Variants in DGKB observed in about 807,000 individuals in gnomAD.
The protein encoded by DGKB is diacylglycerol kinase beta.
DGKB carries 67 observed loss-of-function variants against 114.3 expected under a neutral mutation model. The ratio of observed to expected loss-of-function variants is 0.59; its 90% CI spans 0.48 to 0.72. The LOEUF is 0.72. Ranked by LOEUF, DGKB falls within the 30% of genes least tolerant of loss-of-function variation. The pLI is 0.00. For synonymous variants in DGKB, 398 were observed against 323.1 expected, an observed-to-expected ratio of 1.23 and a Z score of -2.49; for missense variants, 907 against 975.2, an observed-to-expected ratio of 0.93 and a Z score of 0.93.
At chr7:14,636,583 A>G (rs1810800486) in intron 13 of DGKB, among the ~76,000 whole-genome samples, 1 of 151,834 alleles carries the variant, frequency 6.6e-6, no homozygotes, top group Non-Finnish European at 1.5e-5. Flanking sequence ...GTGTGTCATC[A>G]TTTTTGAAAA....
At chr7:14,540,687 T>C (rs1314200996) in intron 20 of DGKB, among the ~76,000 whole-genome samples, 1 of 152,238 alleles carries the variant, frequency 6.6e-6, no homozygotes, top group East Asian at 1.9e-4. Context: ...TACTTTCCTA[T>C]TGCAGTGATT....
At chr7:14,575,207 G>C (rs1219952787) in intron 19 of DGKB, among the ~76,000 whole-genome samples, 1 of 152,134 alleles carries the variant, frequency 6.6e-6, no homozygotes, top group Non-Finnish European at 1.5e-5. Context: ...TGGCTCAGAT[G>C]CCCCTCTCAC....
intron 5 of DGKB, 72 bp downstream of exon 5, chr7:14,735,969 T>G: frequency 1.1e-6 from 1 of 923,370 alleles, no homozygotes; most frequent in Non-Finnish European, 1.5e-6. Flanking sequence ...TCATTCATCT[T>G]TTATGATAAC....
At chr7:14,892,965 TATAC>T (rs925172766) in intron 1 of DGKB, among the ~76,000 whole-genome samples, 2 of 150,852 alleles carry the variant, frequency 1.3e-5, no homozygotes, top group Non-Finnish European at 3.0e-5. Flanking sequence ...TGTGTGTATA[TATAC>T]ATACATATAT....
At chr7:14,404,779 A>AGGAGGGC (rs1823671289) in intron 21 of DGKB, among the ~76,000 whole-genome samples, 1 of 151,582 alleles carries the variant, frequency 6.6e-6, no homozygotes, top group Non-Finnish European at 1.5e-5. Flanking sequence ...TGTCTTCTTG[A>AGGAGGGC]ATTGCTCCTC....
At chr7:14,557,078 C>T (rs2128659534) in intron 20 of DGKB, among the ~76,000 whole-genome samples, 1 of 152,190 alleles carries the variant, frequency 6.6e-6, no homozygotes, top group Admixed American at 6.5e-5. Context: ...TTCTCAGCCC[C>T]CGTCCCCAAT....
intron 25 of DGKB, among the ~76,000 whole-genome samples, chr7:14,163,086 TAC>T (rs1562504947): frequency 6.6e-6 from 1 of 152,174 alleles, no homozygotes; most frequent in East Asian, 1.9e-4. Flanking sequence ...TCACGGGTGT[TAC>T]AGATCCAGCA....
intron 2 of DGKB, among the ~76,000 whole-genome samples, chr7:14,799,945 C>T (rs990688767): frequency 6.6e-6 from 1 of 151,656 alleles, no homozygotes; most frequent in African/African-American, 2.4e-5. Flanking sequence ...TTGACAGAGT[C>T]TCACTCTGTT....
At chr7:14,246,309 G>C (rs1323474418) in intron 23 of DGKB, among the ~76,000 whole-genome samples, 1 of 152,134 alleles carries the variant, frequency 6.6e-6, no homozygotes, top group East Asian at 1.9e-4. Flanking sequence ...TATGTTATCT[G>C]TTTTAAAATG....
chr7:14,790,399 A>AT (rs1326974944), intron 2 of DGKB, among the ~76,000 whole-genome samples: 2 of 151,924 alleles, frequency 1.3e-5, no homozygotes, highest in South Asian at 2.1e-4. Context: ...TTTATGTTAC[A>AT]TTTTTTTCAC....
At chr7:14,367,211 C>T (rs2128642960) in intron 21 of DGKB, among the ~76,000 whole-genome samples, 1 of 152,138 alleles carries the variant, frequency 6.6e-6, no homozygotes, top group Admixed American at 6.5e-5. Flanking sequence ...TGTAAGTGTT[C>T]TGAGCATGTT....
chr7:14,698,015 AAG>A (rs1169412922), intron 8 of DGKB, 78 bp downstream of exon 8: 10 of 658,240 alleles, frequency 1.5e-5, no homozygotes, highest in African/African-American at 1.3e-4. Context: ...GAAAGAAAGA[AAG>A]AGAAAGAAAG....
chr7:14,456,682 A>G (rs1382391035), intron 21 of DGKB, among the ~76,000 whole-genome samples: 1 of 152,090 alleles, frequency 6.6e-6, no homozygotes, highest in Non-Finnish European at 1.5e-5. Context: ...TATTAGCTGT[A>G]TTCACTTAAA....
chr7:14,482,427 A>T (rs952877981), intron 20 of DGKB, among the ~76,000 whole-genome samples: 1 of 152,094 alleles, frequency 6.6e-6, no homozygotes, highest in Non-Finnish European at 1.5e-5. Flanking sequence ...ATTATCTAAC[A>T]AACTCAAAAG....
At chr7:14,233,533 C>T (rs1477827284) in intron 23 of DGKB, among the ~76,000 whole-genome samples, 1 of 152,026 alleles carries the variant, frequency 6.6e-6, no homozygotes, top group Non-Finnish European at 1.5e-5. Context: ...AATGACTCTT[C>T]CCTTAGTCAG....
chr7:14,211,203 G>A (rs1016894013), intron 23 of DGKB, among the ~76,000 whole-genome samples: 1 of 151,992 alleles, frequency 6.6e-6, no homozygotes, highest in African/African-American at 2.4e-5. Flanking sequence ...AAATCAAAGG[G>A]CTTCATCATC....
Position 14,649,389 on chromosome 7 carries a change from CA to C in DGKB, c.1135-19122del, listed in dbSNP as rs746223569. Among the ~76,000 whole-genome samples the C allele has an allele frequency of 2.7e-3, 401 of 150,154 alleles. 1 individual carries two copies. The highest frequency in any genetic ancestry group is 4.8e-3 in the Non-Finnish European group (323 of 67,316). On this transcript the variant is annotated intron_variant, in intron 13 of 25. Transcript: ENST00000402815. ...TTCAACCCAGAATTTCATATCCAGC[CA>C]AACTAAGCTTCATAAGTGAAGGAGA...
chr7:14,174,162 A>C (rs375987668), intron 25 of DGKB, among the ~76,000 whole-genome samples: 1 of 152,078 alleles, frequency 6.6e-6, no homozygotes, highest in Non-Finnish European at 1.5e-5. Context: ...TCCAGCATGC[A>C]CCGGGGCCAT....
At chr7:14,963,111 C>G (rs1006436455) in intron 1 of DGKB, among the ~76,000 whole-genome samples, 4 of 151,942 alleles carry the variant, frequency 2.6e-5, no homozygotes, top group Non-Finnish European at 5.9e-5. Flanking sequence ...ATTTCCATTC[C>G]AAAATAAAGG....
Sources: allele counts gnomAD v4.1 joint callset (sites outside exome capture counted in the v4.1 genomes callset), GRCh38; gene constraint gnomAD v4.1.1; transcripts MANE v1.5; gene names NCBI Gene and HGNC (gene_info 2026-07-23, HGNC 2026-07-21).